The following OSGIN1 variants were observed in gnomAD, a reference collection of about 807,000 sequenced individuals.
OSGIN1 encodes the protein oxidative stress-induced growth inhibitor 1.
OSGIN1 carries 19 observed loss-of-function variants against 20.1 expected under a neutral mutation model. The observed-to-expected ratio is 0.95, with a 90% CI of 0.66 to 1.39. OSGIN1 has a LOEUF of 1.39. Ranked by LOEUF, OSGIN1 falls within the 40% of genes most tolerant of loss-of-function variation. The probability of loss-of-function intolerance (pLI) is 0.00; values close to 1 mark genes in which losing one functional copy is unlikely to be tolerated. For synonymous variants in OSGIN1, 368 were observed against 297.8 expected (o/e 1.24, Z -2.43); for missense variants, 820 against 653.0 (o/e 1.26, Z -2.79).
At chr16:83,961,236 C>T (rs1032585098) in intron 5 of OSGIN1, 164 bp downstream of exon 5, 18 of 607,736 alleles carry the variant, frequency 3.0e-5, no homozygotes, top group Admixed American at 5.6e-5. Context: ...CAAGGTGATC[C>T]GGCACAGCTT....
At chr16:83,954,845 C>T (rs554976125) in intron 1 of OSGIN1, 2 of 616,794 alleles carry the variant, frequency 3.2e-6, no homozygotes, top group Admixed American at 6.3e-5. Context: ...CCTGCAAATG[C>T]CCTTCTTGGG....
At chr16:83,960,009 G>A (rs550200443) in intron 3 of OSGIN1, among the ~76,000 whole-genome samples, 8 of 152,206 alleles carry the variant, frequency 5.3e-5, no homozygotes, top group South Asian at 2.1e-4. Context: ...GACCTCCCTC[G>A]TCAGGCAGTG....
chr16:83,953,467 C>G, intron 1 of OSGIN1, 97 bp downstream of exon 1: 1 of 1,146,852 alleles, frequency 8.7e-7, no homozygotes, highest in Non-Finnish European at 1.1e-6. Flanking sequence ...AGAGCCCTGG[C>G]GCCAGGCGGG....
intron 1 of OSGIN1, among the ~76,000 whole-genome samples, chr16:83,953,859 G>A (rs924979793): frequency 1.3e-5 from 2 of 152,242 alleles, no homozygotes; most frequent in African/African-American, 4.8e-5. Context: ...CAAGAGTGCG[G>A]CGGGTTGGGA....
rs1033490837 is a variant in OSGIN1, at chr16:83,965,314, C to G, written c.741C>G (p.Gly247=). ...LWARNVVLAT[G]TFDSPARLGI... ...CCCGCAACGTGGTCCTCGCCACAGGCACGTTCGACAGCCCGGCCCGGCTGG... is the reference window on the plus strand; with the variant it reads ...CCCGCAACGTGGTCCTCGCCACAGGGACGTTCGACAGCCCGGCCCGGCTGG... The change falls in exon 6 of 6, where the codon GGC becomes GGG. Residue 247 remains glycine (G), a synonymous_variant. Coordinates refer to ENST00000393306, the MANE Select transcript of OSGIN1 (RefSeq NM_182981.3). 2 of 1,585,094 alleles carry G rather than the reference C, an allele frequency of 1.3e-6. No individual in the cohort carries two copies. Among genetic ancestry groups the G allele is most frequent in the African/African-American group, 1.3e-5 (1 of 74,582 alleles).
intron 5 of OSGIN1, 97 bp downstream of exon 5, chr16:83,961,169 T>C: frequency 9.8e-7 from 1 of 1,022,752 alleles, no homozygotes. Context: ...AAAGTTTATT[T>C]TTCCAAGGTT....
intron 3 of OSGIN1, among the ~76,000 whole-genome samples, chr16:83,959,901 G>C (rs1274028059): frequency 1.3e-5 from 2 of 152,196 alleles, no homozygotes; most frequent in East Asian, 2.0e-4. Context: ...CTCCACCACA[G>C]ATATTTCAGT....
intron 5 of OSGIN1, among the ~76,000 whole-genome samples, chr16:83,963,125 G>A (rs1412216727): frequency 6.6e-6 from 1 of 152,192 alleles, no homozygotes; most frequent in Non-Finnish European, 1.5e-5. Context: ...GGCACTCCAG[G>A]CGTCCCCCTC....
intron 1 of OSGIN1, among the ~76,000 whole-genome samples, chr16:83,957,397 G>A (rs1908982254): frequency 6.6e-6 from 1 of 152,166 alleles, no homozygotes; most frequent in Non-Finnish European, 1.5e-5. Context: ...GGCTGCCTGG[G>A]GCAACCAGGC....
chr16:83,960,228 T>C (rs1362489030), intron 3 of OSGIN1, among the ~76,000 whole-genome samples: 1 of 152,192 alleles, frequency 6.6e-6, no homozygotes, highest in African/African-American at 2.4e-5. Flanking sequence ...GCAGGACTTG[T>C]CAGAGCCTTT....
chr16:83,956,090 A>T (rs1908913404), intron 1 of OSGIN1, among the ~76,000 whole-genome samples: 1 of 152,176 alleles, frequency 6.6e-6, no homozygotes, highest in Non-Finnish European at 1.5e-5. Flanking sequence ...AGCGGGCTGG[A>T]CGCTACTGCT....
Position 83,960,658 on chromosome 16 carries a change from C to T in OSGIN1, c.294C>T (p.Asp98=). 1.2e-6 allele frequency: 2 copies of T among 1,613,608 alleles called. No individual in the cohort carries two copies. Among genetic ancestry groups the T allele is most frequent in the Non-Finnish European group, 1.7e-6 (2 of 1,180,022 alleles). ...ATGCCCTTCTACGCCCAGACACAGACTTTGGGGGAAACATGAAGTCGGTCC... is the reference window on the plus strand; with the variant it reads ...ATGCCCTTCTACGCCCAGACACAGATTTTGGGGGAAACATGAAGTCGGTCC... ...LFDALLRPDT[D]FGGNMKSVLT... Residue 98 remains aspartate, a synonymous_variant, in exon 4 of 6, where the codon GAC becomes GAT. Transcript: ENST00000393306.
intron 3 of OSGIN1, 28 bp downstream of exon 3, chr16:83,959,424 G>A: frequency 6.2e-7 from 1 of 1,604,888 alleles, no homozygotes; most frequent in East Asian, 2.2e-5. Context: ...CAGAGCTCTG[G>A]GTAGTACATA....
At chr16:83,961,105 G>C (rs769742536) in intron 5 of OSGIN1, 33 bp downstream of exon 5, 11 of 1,534,626 alleles carry the variant, frequency 7.2e-6, no homozygotes, top group Admixed American at 1.7e-5. Flanking sequence ...TGGGGGACAC[G>C]GAAGGTTGGG....
intron 2 of OSGIN1, 83 bp from the exon 3 acceptor site, chr16:83,959,177 G>A (rs1010675413): frequency 4.6e-5 from 41 of 889,720 alleles, no homozygotes; most frequent in Middle Eastern, 4.5e-4. Flanking sequence ...GAATGAATGC[G>A]CCGCATCTAG....
rs2084276220 is a variant in OSGIN1, at chr16:83,965,998, G to A, written c.1425G>A (p.Lys475=). ...ASSLLRKETR[K]PP Reference sequence around the variant, plus strand: ...CCCTGCTAAGGAAGGAGACCAGGAAGCCACCCTAACACTCGGCCAGACCCG... The same window carrying A: ...CCCTGCTAAGGAAGGAGACCAGGAAACCACCCTAACACTCGGCCAGACCCG... Residue 475 remains lysine, a synonymous_variant, in exon 6 of 6, where the codon AAG becomes AAA. Coordinates refer to ENST00000393306, the MANE Select transcript of OSGIN1 (RefSeq NM_182981.3). The A allele has an allele frequency of 6.4e-7, 1 of 1,572,882 alleles. No individual in the cohort carries two copies. Among genetic ancestry groups the A allele is most frequent in the Non-Finnish European group, 8.6e-7 (1 of 1,160,810 alleles).
At chr16:83,961,386 A>C in intron 5 of OSGIN1, 1 of 369,540 alleles carries the variant, frequency 2.7e-6, no homozygotes, top group East Asian at 6.1e-5. Context: ...TAGGTGAGAG[A>C]TAAACAGTTG....
chr16:83,964,507 G>C (rs1384115780), intron 5 of OSGIN1, among the ~76,000 whole-genome samples: 1 of 151,916 alleles, frequency 6.6e-6, no homozygotes, highest in Non-Finnish European at 1.5e-5. Context: ...CCCCTCTCTT[G>C]ACATCCAGCT....
Position 83,953,382 on chromosome 16 carries a change from G to C in OSGIN1, c.-33+12G>C, listed in dbSNP as rs1908781231. On this transcript the variant is annotated intron_variant, in intron 1 of 5. Transcript: ENST00000393306. ...CCACTGCCTGTCAGGTGAGTGTCCG[G>C]GGCCAGGTTCCGGGGCAGGGAATCA... 3 of 1,288,448 alleles carry C rather than the reference G, an allele frequency of 2.3e-6. No homozygotes were observed. The highest frequency in any genetic ancestry group is 2.5e-5 in the South Asian group (2 of 80,898). The allele number at this position is 1,288,448 out of a possible 1,614,324, so 79.8% of individuals were successfully genotyped here.
Sources: allele counts gnomAD v4.1 joint callset (sites outside exome capture counted in the v4.1 genomes callset), GRCh38; gene constraint gnomAD v4.1.1; transcripts MANE v1.5; gene names NCBI Gene and HGNC (gene_info 2026-07-23, HGNC 2026-07-21).